Variants in EPOR observed in about 807,000 individuals in gnomAD.
The protein encoded by EPOR is erythropoietin receptor.
In EPOR, 20 loss-of-function variants were observed where a neutral mutation model predicts 34.3. The ratio of observed to expected loss-of-function variants is 0.58; its 90% confidence interval spans 0.41 to 0.85. The LOEUF is 0.85. Ranked by LOEUF, EPOR falls within the 40% of genes least tolerant of loss-of-function variation. The pLI is 0.00. For missense variants in EPOR, 601 were observed against 672.7 expected (o/e 0.89, Z 1.18); for synonymous variants, 312 against 299.0 (o/e 1.04, Z -0.45).
rs781748623 is a variant in EPOR at position 11,378,412 on chromosome 19, T to TCCAGC, written c.1098_1099insGCTGG (p.Thr367AlafsTer30). ...AACCATTTGTCCAGCACCAGATAGG[T>TCCAGC]ATCCTGGGCATGCTCACTGCCCACT... On this transcript the variant is annotated frameshift_variant, in exon 8 of 8. Transcript: ENST00000222139. LOFTEE classifies it low-confidence loss of function (END_TRUNC). This position sits in a 1 kb window ranked among gnomAD's most constrained non-coding sequence, Gnocchi z 5.3. The TCCAGC allele has an allele frequency of 6.2e-7, 1 of 1,613,896 alleles. No homozygotes were observed. The highest frequency in any genetic ancestry group is 1.7e-5 in the Admixed American group (1 of 60,002).
intron 2 of EPOR, 85 bp from the exon 3 acceptor site, chr19:11,382,190 T>C (rs965551124): frequency 9.0e-7 from 1 of 1,113,990 alleles, no homozygotes; most frequent in Admixed American, 2.0e-5. Flanking sequence ...TGTGTATGTG[T>C]GACACAAGGT....
Position 11,381,446 on chromosome 19 carries a change from G to C in EPOR, c.586-237C>G. On this transcript the variant is annotated intron_variant, in intron 4 of 7. Transcript: ENST00000222139. This position sits in a 1 kb window ranked among gnomAD's most constrained non-coding sequence, Gnocchi z 5.3. ...ATATCTGGGCTAGCACTCGTAGAGGGACCCGGGCGCTAAAGGGGTCTAGGG... is the reference window on the plus strand; with the variant it reads ...ATATCTGGGCTAGCACTCGTAGAGGCACCCGGGCGCTAAAGGGGTCTAGGG... 1.5e-6 allele frequency: 1 copy of C among 665,744 alleles called. No homozygotes were observed. The allele number at this position is 665,744 out of a possible 1,614,324, so 41.2% of individuals were successfully genotyped here.
chr19:11,377,281 G>A lies in EPOR; in HGVS notation c.*703C>T, dbSNP rs1482095818. 15 of 453,962 alleles carry A rather than the reference G, an allele frequency of 3.3e-5. No homozygotes were observed. The highest frequency in any genetic ancestry group is 6.2e-5 in the Non-Finnish European group (14 of 226,790). The allele number at this position is 453,962 out of a possible 1,614,324, so 28.1% of individuals were successfully genotyped here. ...GCCCTTAAACAGCTTTGCCCTTCCTGGGTGTACAGCTAAACTAAGTTTCCT... is the reference window on the plus strand; with the variant it reads ...GCCCTTAAACAGCTTTGCCCTTCCTAGGTGTACAGCTAAACTAAGTTTCCT... On this transcript the variant is annotated 3_prime_UTR_variant, in exon 8 of 8. Transcript: ENST00000222139.
At position 11,381,435 on chromosome 19, in the gene EPOR, A is replaced by G. The variant is rs1196506397; in HGVS notation, c.586-226T>C. The G allele has an allele frequency of 6.0e-6, 4 of 667,084 alleles. No homozygotes were observed. Among genetic ancestry groups the G allele is most frequent in the African/African-American group, 3.6e-5 (2 of 55,110 alleles). The allele number at this position is 667,084 out of a possible 1,614,324, so 41.3% of individuals were successfully genotyped here. ...CGGGCAATTTAATATCTGGGCTAGC[A>G]CTCGTAGAGGGACCCGGGCGCTAAA... On this transcript the variant is annotated intron_variant, in intron 4 of 7. Coordinates refer to ENST00000222139, the MANE Select transcript of EPOR (RefSeq NM_000121.4). The surrounding 1 kb of genome is among the most constrained non-coding windows in gnomAD (Gnocchi z 5.3).
At chr19:11,380,034 G>T (rs969360532) in intron 6 of EPOR, among the ~76,000 whole-genome samples, 4 of 152,182 alleles carry the variant, frequency 2.6e-5, no homozygotes, top group African/African-American at 4.8e-5. Context: ...CTGGCTGAAC[G>T]TTCCAATCTC....
At chr19:11,380,028 C>G (rs1296488902) in intron 6 of EPOR, among the ~76,000 whole-genome samples, 1 of 152,232 alleles carries the variant, frequency 6.6e-6, no homozygotes, top group Non-Finnish European at 1.5e-5. Context: ...TTGAAGCTGG[C>G]TGAACGTTCC....
chr19:11,380,239 G>A (rs1481968860), intron 6 of EPOR, among the ~76,000 whole-genome samples: 1 of 152,108 alleles, frequency 6.6e-6, no homozygotes, highest in African/African-American at 2.4e-5. Flanking sequence ...TATTTCTTGG[G>A]TCCCTTGTTT....
Position 11,383,171 on chromosome 19 carries a change from G to A in EPOR, c.177C>T (p.Asp59=). The A allele has an allele frequency of 6.2e-7, 1 of 1,612,900 alleles. No individual in the cohort carries two copies. The highest frequency in any genetic ancestry group is 8.5e-7 in the Non-Finnish European group (1 of 1,179,922). The stretch of plus-strand genomic sequence containing the variant: ...CCGCTTCCTCCCAGAAACACACCAA[G>A]TCCTCCAACCGCTCGGTGAAGCACA... ...ELLCFTERLE[D]LVCFWEEAAS... The change falls in exon 2 of 8, where the codon GAC becomes GAT. Residue 59 remains aspartate, a synonymous_variant. Transcript: ENST00000222139. The surrounding 1 kb of genome is among the most constrained non-coding windows in gnomAD (Gnocchi z 4.9).
chr19:11,378,454 C>G lies in EPOR; in HGVS notation c.1057G>C (p.Gly353Arg). 1 of 1,614,158 alleles carries G rather than the reference C, an allele frequency of 6.2e-7. No homozygotes were observed. The highest frequency in any genetic ancestry group is 8.5e-7 in the Non-Finnish European group (1 of 1,180,028). The change falls in exon 8 of 8, where the codon GGC (glycine) becomes CGC (arginine). Residue 353 changes from glycine (G) to arginine (R), a missense_variant. Transcript: ENST00000222139. This position sits in a 1 kb window ranked among gnomAD's most constrained non-coding sequence, Gnocchi z 5.3. ...QAVEPGTDDE[G>R]PLLEPVGSEH... ...CTGCCCACTGGCTCCAGCAGGGGGCCCTCATCATCTGTCCCCGGCTCCACT... is the reference window on the plus strand; with the variant it reads ...CTGCCCACTGGCTCCAGCAGGGGGCGCTCATCATCTGTCCCCGGCTCCACT...
At chr19:11,380,778 G>T in intron 6 of EPOR, 106 bp downstream of exon 6, 1 of 896,716 alleles carries the variant, frequency 1.1e-6, no homozygotes, top group Non-Finnish European at 1.8e-6. Context: ...TCCTTACTGC[G>T]TGACCTTGGG....
Position 11,377,442 on chromosome 19 carries a change from G to T in EPOR, c.*542C>A, listed in dbSNP as rs1369712969. On this transcript the variant is annotated 3_prime_UTR_variant, in exon 8 of 8. Transcript: ENST00000222139. ...TTGCTGCCCTTTTTCTTCCCTTGCT[G>T]ACTGGCAGTTTGTAGAACAGGGGAT... 2.2e-6 allele frequency: 1 copy of T among 454,072 alleles called. No individual in the cohort carries two copies. The highest frequency in any genetic ancestry group is 2.3e-5 in the Admixed American group (1 of 42,564). 28.1% of individuals were successfully genotyped at this position (454,072 alleles called of 1,614,324 possible).
Position 11,381,283 on chromosome 19 carries a change from T to C in EPOR, c.586-74A>G. ...ACGTGGGGGCGGGCCCTGGTGGAAC[T>C]GAGCCAATCAGGGGAAAGGAAAACG... is the stretch of plus-strand genomic sequence containing the variant. On this transcript the variant is annotated intron_variant, in intron 4 of 7. Coordinates refer to ENST00000222139, the MANE Select transcript of EPOR (RefSeq NM_000121.4). This position sits in a 1 kb window ranked among gnomAD's most constrained non-coding sequence, Gnocchi z 5.3. 6.7e-7 allele frequency: 1 copy of C among 1,493,870 alleles called. No individual in the cohort carries two copies. The highest frequency in any genetic ancestry group is 9.1e-7 in the Non-Finnish European group (1 of 1,098,808). 92.5% of individuals were successfully genotyped at this position (1,493,870 alleles called of 1,614,324 possible).
In EPOR at chr19:11,377,708, T is replaced by A. The variant is rs1968298858; in HGVS notation, c.*276A>T. On this transcript the variant is annotated 3_prime_UTR_variant, in exon 8 of 8. Coordinates refer to ENST00000222139, the MANE Select transcript of EPOR (RefSeq NM_000121.4). The stretch of plus-strand genomic sequence containing the variant: ...CTTTAACTTCTATCCCTATGGCCTA[T>A]GCCCAGGGGAAGATGGGACTTAAAG... The A allele has an allele frequency of 4.9e-6, 3 of 609,142 alleles. No individual in the cohort carries two copies. The highest frequency in any genetic ancestry group is 4.2e-5 in the Admixed American group (2 of 47,362). The allele number at this position is 609,142 out of a possible 1,614,324, so 37.7% of individuals were successfully genotyped here. A position where few individuals can be genotyped will look rare whatever the true frequency, so the allele number is the denominator to read the frequency against.
chr19:11,377,283 G>T lies in EPOR; in HGVS notation c.*701C>A. 2.2e-6 allele frequency: 1 copy of T among 454,072 alleles called. No individual in the cohort carries two copies. Among genetic ancestry groups the T allele is most frequent in the South Asian group, 1.6e-5 (1 of 64,474 alleles). The allele number at this position is 454,072 out of a possible 1,614,324, so 28.1% of individuals were successfully genotyped here. ...CCTTAAACAGCTTTGCCCTTCCTGG[G>T]TGTACAGCTAAACTAAGTTTCCTGG... On this transcript the variant is annotated 3_prime_UTR_variant, in exon 8 of 8. Transcript: ENST00000222139.
In EPOR at chr19:11,381,057, G is replaced by T. The variant is rs200636512; in HGVS notation, c.738C>A (p.Ser246Arg). Residue 246 changes from serine to arginine, a missense_variant and splice_region_variant, in exon 5 of 8, where the codon AGC (serine) becomes AGA (arginine). Coordinates refer to ENST00000222139, the MANE Select transcript of EPOR (RefSeq NM_000121.4). This position sits in a 1 kb window ranked among gnomAD's most constrained non-coding sequence, Gnocchi z 5.3. ...WSEPVSLLTPSDLDPLILTLS... is the reference protein window; with the variant it reads ...WSEPVSLLTPRDLDPLILTLS... ...CTACACCCCCGCCTGGGGCCTCACCGCTAGGCGTCAGCAGCGACACAGGCT... is the reference window on the plus strand; with the variant it reads ...CTACACCCCCGCCTGGGGCCTCACCTCTAGGCGTCAGCAGCGACACAGGCT... 2 of 1,600,250 alleles carry T rather than the reference G, an allele frequency of 1.2e-6. No homozygotes were observed. Among genetic ancestry groups the T allele is most frequent in the East Asian group, 2.3e-5 (1 of 44,378 alleles).
chr19:11,379,626 G>A (rs992187081), intron 6 of EPOR, among the ~76,000 whole-genome samples: 17 of 149,220 alleles, frequency 1.1e-4, no homozygotes, highest in African/African-American at 4.2e-4. Context: ...AAGGCCCTGC[G>A]TTATATGACC....
Position 11,378,395 on chromosome 19 carries a change from G to C in EPOR, c.1116C>G (p.Asp372Glu). 1 of 1,613,670 alleles carries C rather than the reference G, an allele frequency of 6.2e-7. No homozygotes were observed. Among genetic ancestry groups the C allele is most frequent in the South Asian group, 1.1e-5 (1 of 91,090 alleles). The change falls in exon 8 of 8, where the codon GAC becomes GAG. Residue 372 changes from aspartate to glutamate, a missense_variant. Coordinates refer to ENST00000222139, the MANE Select transcript of EPOR (RefSeq NM_000121.4). This position sits in a 1 kb window ranked among gnomAD's most constrained non-coding sequence, Gnocchi z 5.3. ...GCGGGTTCCGGGGCAGCAACCATTT[G>C]TCCAGCACCAGATAGGTATCCTGGG... ...EHAQDTYLVLDKWLLPRNPPS... is the reference protein window; with the variant it reads ...EHAQDTYLVLEKWLLPRNPPS...
At position 11,382,104 on chromosome 19, in the gene EPOR, C is replaced by T; in HGVS notation, c.253G>A (p.Asp85Asn). 2 of 1,612,648 alleles carry T rather than the reference C, an allele frequency of 1.2e-6. No individual in the cohort carries two copies. Among genetic ancestry groups the T allele is most frequent in the Non-Finnish European group, 1.7e-6 (2 of 1,179,020 alleles). ...GNYSFSYQLE[D>N]EPWKLCRLHQ... ...AGGCGACACAGCTTCCATGGCTCAT[C>T]CCTATGCGCCCAGGGAAGGGAGCAG... The change falls in exon 3 of 8, where the codon GAT becomes AAT. Residue 85 changes from aspartate (D) to asparagine (N), a missense_variant and splice_region_variant. Physicochemically the swap from Asp to Asn is conservative, Grantham distance 23 (BLOSUM62 1). Transcript: ENST00000222139.
Position 11,381,456 on chromosome 19 carries a change from C to G in EPOR, c.585+236G>C, listed in dbSNP as rs62131143. ...TAGCACTCGTAGAGGGACCCGGGCG[C>G]TAAAGGGGTCTAGGGTTACGGGCCG... On this transcript the variant is annotated intron_variant, in intron 4 of 7. Coordinates refer to ENST00000222139, the MANE Select transcript of EPOR (RefSeq NM_000121.4). This position sits in a 1 kb window ranked among gnomAD's most constrained non-coding sequence, Gnocchi z 5.3. 0.013 allele frequency: 8,462 copies of G among 668,158 alleles called. 83 individuals carry two copies. The highest frequency in any genetic ancestry group is 0.026 in the South Asian group (1,372 of 52,662). 41.4% of individuals were successfully genotyped at this position (668,158 alleles called of 1,614,324 possible). A position where few individuals can be genotyped will look rare whatever the true frequency, so the allele number is the denominator to read the frequency against.
Sources: gnomAD v4.1 joint callset for allele counts (sites outside exome capture counted in the v4.1 genomes callset) on GRCh38, gnomAD v4.1.1 for gene constraint, Gnocchi (gnomAD v3.1) non-coding constraint, MANE v1.5 for transcripts, NCBI Gene and HGNC (gene_info 2026-07-23, HGNC 2026-07-21) for gene names.